LINGO2: variants seen among roughly 807,000 people sequenced by gnomAD.
The protein encoded by LINGO2 is leucine rich repeat and Ig domain containing 2.
A neutral mutation model predicts 30.6 loss-of-function variants in LINGO2; 14 were observed. That is an observed-to-expected ratio of 0.46 (90% CI 0.30 to 0.72). The LOEUF (loss-of-function observed/expected upper bound fraction) is 0.72. Among genes scored for constraint, LINGO2 ranks in the 30% least tolerant of loss-of-function variants. The probability of loss-of-function intolerance (pLI) is 0.07; values close to 1 mark genes in which losing one functional copy is unlikely to be tolerated. For synonymous variants in LINGO2, 317 were observed against 288.5 expected, an observed-to-expected ratio of 1.10 and a Z score of -1.00; for missense variants, 729 against 751.7, an observed-to-expected ratio of 0.97 and a Z score of 0.35.
At chr9:28,009,559 A>G (rs887768298) in intron 5 of LINGO2, among the ~76,000 whole-genome samples, 3 of 152,176 alleles carry the variant, frequency 2.0e-5, no homozygotes, top group Admixed American at 2.0e-4. Flanking sequence ...AAAGATCTGA[A>G]TAGATATGTC....
chr9:28,502,157 CACACAT>C (rs1819917011), intron 1 of LINGO2, among the ~76,000 whole-genome samples: 1 of 149,716 alleles, frequency 6.7e-6, no homozygotes, highest in African/African-American at 2.5e-5. Flanking sequence ...CACACACACA[CACACAT>C]ACACACACAC....
intron 2 of LINGO2, among the ~76,000 whole-genome samples, chr9:28,393,695 G>A (rs1360520437): frequency 6.6e-6 from 1 of 152,142 alleles, no homozygotes; most frequent in Non-Finnish European, 1.5e-5. Context: ...GCCTTACCAG[G>A]AGGAAAACAC....
At chr9:28,244,238 T>C (rs957110973) in intron 4 of LINGO2, among the ~76,000 whole-genome samples, 66 of 152,000 alleles carry the variant, frequency 4.3e-4, no homozygotes, top group African/African-American at 1.5e-3. Context: ...GGGTAAATAA[T>C]GAAATTAAGG....
downstream of LINGO2, among the ~76,000 whole-genome samples, chr9:27,946,660 C>T (rs1256634200): frequency 1.3e-5 from 2 of 152,052 alleles, no homozygotes; most frequent in Admixed American, 1.3e-4. Context: ...ATTTGAAAGA[C>T]CCCATTCCAT....
the LINGO2 span, among the ~76,000 whole-genome samples, chr9:28,830,406 C>T: frequency 6.6e-6 from 1 of 152,108 alleles, no homozygotes; most frequent in Non-Finnish European, 1.5e-5. Flanking sequence ...TAATCATCTG[C>T]TAAGAAGTGT....
chr9:27,983,609 G>T (rs75926234), intron 5 of LINGO2, among the ~76,000 whole-genome samples: 2 of 151,780 alleles, frequency 1.3e-5, no homozygotes, highest in East Asian at 3.9e-4. Context: ...ACTATGAAAA[G>T]CCTTGATTTC....
At chr9:28,493,309 G>T (rs1200176494) in intron 1 of LINGO2, among the ~76,000 whole-genome samples, 1 of 152,058 alleles carries the variant, frequency 6.6e-6, no homozygotes, top group Non-Finnish European at 1.5e-5. Context: ...CACTGCCAGG[G>T]TAACCAAGAA....
the LINGO2 span, among the ~76,000 whole-genome samples, chr9:28,747,881 C>T: frequency 2.0e-5 from 3 of 152,074 alleles, no homozygotes; most frequent in East Asian, 1.9e-4. Flanking sequence ...TGGGGCTTAA[C>T]CAGAACCTAT....
chr9:28,427,104 C>T (rs1404174791), intron 2 of LINGO2, among the ~76,000 whole-genome samples: 1 of 152,022 alleles, frequency 6.6e-6, no homozygotes, highest in East Asian at 1.9e-4. Context: ...TGTTTCTCTC[C>T]TATTTATTTT....
At chr9:28,267,403 A>G (rs1442977212) in intron 4 of LINGO2, among the ~76,000 whole-genome samples, 1 of 151,990 alleles carries the variant, frequency 6.6e-6, no homozygotes, top group African/African-American at 2.4e-5. Flanking sequence ...ACTTCTAATC[A>G]CAAACATTCA....
chr9:29,175,851 G>C, the LINGO2 span, among the ~76,000 whole-genome samples: 1 of 152,116 alleles, frequency 6.6e-6, no homozygotes, highest in Non-Finnish European at 1.5e-5. Context: ...TTTTAAAAAA[G>C]AGTAAATCTT....
chr9:29,212,747 C>T, the LINGO2 span, among the ~76,000 whole-genome samples: 3 of 152,210 alleles, frequency 2.0e-5, no homozygotes, highest in Non-Finnish European at 4.4e-5. Context: ...GGCTTCCTGC[C>T]TCGCAGCTGG....
At chr9:28,284,613 T>C (rs1409264319) in intron 4 of LINGO2, among the ~76,000 whole-genome samples, 1 of 152,208 alleles carries the variant, frequency 6.6e-6, no homozygotes, top group African/African-American at 2.4e-5. Flanking sequence ...GGCATAATTA[T>C]AGATACGGCT....
At chr9:28,679,866 T>C in the LINGO2 span, among the ~76,000 whole-genome samples, 1 of 152,058 alleles carries the variant, frequency 6.6e-6, no homozygotes, top group Non-Finnish European at 1.5e-5. Flanking sequence ...TTTCAAAATA[T>C]GTATACACTG....
At chr9:28,831,606 C>T in the LINGO2 span, among the ~76,000 whole-genome samples, 8 of 151,640 alleles carry the variant, frequency 5.3e-5, no homozygotes, top group Admixed American at 5.3e-4. Context: ...TTGGTGTAAA[C>T]GTGTGGGAAA....
At chr9:29,164,975 C>T in the LINGO2 span, among the ~76,000 whole-genome samples, 1 of 152,110 alleles carries the variant, frequency 6.6e-6, no homozygotes, top group Middle Eastern at 3.4e-3. Context: ...TCTAATTCAG[C>T]CTCTTAGATT....
chr9:28,417,093 A>G (rs1408928851), intron 2 of LINGO2, among the ~76,000 whole-genome samples: 1 of 132,604 alleles, frequency 7.5e-6, no homozygotes, highest in Admixed American at 7.9e-5. Context: ...AGGAGTTCAG[A>G]TAAAAAAAAA....
chr9:28,322,292 A>T (rs903185794), intron 3 of LINGO2, among the ~76,000 whole-genome samples: 15 of 152,164 alleles, frequency 9.9e-5, no homozygotes, highest in Non-Finnish European at 7.3e-5. Flanking sequence ...CACCCAAGCT[A>T]AAATTAATCA....
At chr9:29,188,300 A>T in the LINGO2 span, among the ~76,000 whole-genome samples, 1 of 151,736 alleles carries the variant, frequency 6.6e-6, no homozygotes, top group African/African-American at 2.4e-5. Flanking sequence ...CCCTGAGTGG[A>T]CACAGCACAT....
Sources: allele counts gnomAD v4.1 joint callset (sites outside exome capture counted in the v4.1 genomes callset), GRCh38; gene constraint gnomAD v4.1.1; transcripts MANE v1.5; gene names NCBI Gene and HGNC (gene_info 2026-07-23, HGNC 2026-07-21).